The following FGFR1 variants were observed in gnomAD, a reference collection of about 807,000 sequenced individuals.
The protein encoded by FGFR1 is FGFR1/PLAG1 fusion.
In FGFR1, 18 loss-of-function variants were observed where a neutral mutation model predicts 93.7. The observed-to-expected ratio is 0.19, with a 90% CI of 0.13 to 0.28. FGFR1 has a LOEUF of 0.28. Ranked by LOEUF, FGFR1 falls within the 10% of genes least tolerant of loss-of-function variation. The pLI, the probability that FGFR1 is intolerant of heterozygous loss-of-function variation, is 1.00. For synonymous variants in FGFR1, 448 were observed against 429.3 expected (o/e 1.04, Z -0.54); for missense variants, 731 against 1,080.4 (o/e 0.68, Z 4.53).
At chr8:38,458,489 C>T (rs184975547) in intron 1 of FGFR1, among the ~76,000 whole-genome samples, 7 of 151,966 alleles carry the variant, frequency 4.6e-5, no homozygotes, top group South Asian at 4.2e-4. Flanking sequence ...TGCAGTGAGC[C>T]GAGATCGCAG....
rs1451888056 is a variant in FGFR1 at position 38,439,236 on chromosome 8, T to A, written c.92-9288A>T. On this transcript the variant is annotated intron_variant, in intron 2 of 17. Coordinates refer to ENST00000447712, the MANE Select transcript of FGFR1 (RefSeq NM_023110.3). ...CCCCTCCACTGTGTCCAGGTACTCT[T>A]CCAGGGTTCAGTCCAGCCAGCACTG... Among the ~76,000 whole-genome samples the A allele has an allele frequency of 2.0e-5, 3 of 152,224 alleles. No individual in the cohort carries two copies. In the East Asian group the frequency reaches 5.8e-4, roughly 29 times the overall value.
At chr8:38,449,604 T>G (rs1830424822) in intron 2 of FGFR1, among the ~76,000 whole-genome samples, 1 of 152,192 alleles carries the variant, frequency 6.6e-6, no homozygotes, top group African/African-American at 2.4e-5. Context: ...CTCACCCACT[T>G]CAGGCTCCCT....
At chr8:38,427,300 G>A (rs1323578064) in intron 5 of FGFR1, among the ~76,000 whole-genome samples, 1 of 151,994 alleles carries the variant, frequency 6.6e-6, no homozygotes, top group African/African-American at 2.4e-5. Context: ...GTTTTTTGGA[G>A]ACAGAGTCTC....
At chr8:38,419,506 G>C (rs2150703106) in intron 9 of FGFR1, 27 bp downstream of exon 9, 1 of 1,597,410 alleles carries the variant, frequency 6.3e-7, no homozygotes, top group Admixed American at 1.7e-5. Context: ...AGGTGGTGCT[G>C]AGTGTGCAAA....
In FGFR1 at chr8:38,424,365, C is replaced by A; in HGVS notation, c.936+144G>T. On this transcript the variant is annotated intron_variant, in intron 7 of 17. Transcript: ENST00000447712. This position sits in a 1 kb window ranked among gnomAD's most constrained non-coding sequence, Gnocchi z 4.3. The stretch of plus-strand genomic sequence containing the variant: ...TAGTCCTGGGGGATGTGGCTAGATC[C>A]CTACTGAGATGGAGTGTGTGTGCCT... 1.1e-6 allele frequency: 1 copy of A among 876,352 alleles called. No individual in the cohort carries two copies. The allele number at this position is 876,352 out of a possible 1,614,324, so 54.3% of individuals were successfully genotyped here.
chr8:38,434,521 C>G (rs1409101933), intron 2 of FGFR1: 1 of 344,124 alleles, frequency 2.9e-6, no homozygotes, highest in African/African-American at 2.1e-5. Context: ...TCCCATGTCT[C>G]TGAACCTTCA....
At chr8:38,416,911 C>T (rs928465869) in intron 12 of FGFR1, among the ~76,000 whole-genome samples, 1 of 152,070 alleles carries the variant, frequency 6.6e-6, no homozygotes, top group East Asian at 1.9e-4. Context: ...CGTGACCATG[C>T]CTGGCTAACT....
At chr8:38,419,814 A>T in intron 8 of FGFR1, 79 bp from the exon 9 acceptor site, 1 of 1,245,576 alleles carries the variant, frequency 8.0e-7, no homozygotes, top group Non-Finnish European at 1.2e-6. Flanking sequence ...GAAAAGCAAC[A>T]CCTGTCTCCT....
In FGFR1 at chr8:38,419,745, T is replaced by C; in HGVS notation, c.1082-10A>G. ...GGCCTCTCTTCCAGGGCTGAGTCAG[T>C]GCGAACAGGGTGTTAGCAGGCTTGG... is the stretch of plus-strand genomic sequence containing the variant. On this transcript the variant is annotated splice_polypyrimidine_tract_variant and intron_variant, in intron 8 of 17. Coordinates refer to ENST00000447712, the MANE Select transcript of FGFR1 (RefSeq NM_023110.3). 1 of 1,613,714 alleles carries C rather than the reference T, an allele frequency of 6.2e-7. No homozygotes were observed. Among genetic ancestry groups the C allele is most frequent in the Non-Finnish European group, 8.5e-7 (1 of 1,179,778 alleles).
chr8:38,424,200 G>T lies in FGFR1; in HGVS notation c.936+309C>A. 1 of 516,204 alleles carries T rather than the reference G, an allele frequency of 1.9e-6. No individual in the cohort carries two copies. The highest frequency in any genetic ancestry group is 3.7e-6 in the Non-Finnish European group (1 of 271,086). The allele number at this position is 516,204 out of a possible 1,614,324, so 32.0% of individuals were successfully genotyped here. ...AGGCTCTGGTTTCGGGCAATGAAAA[G>T]GCAGGGGTCCAAATGCCTTCCTTGT... On this transcript the variant is annotated intron_variant, in intron 7 of 17. Coordinates refer to ENST00000447712, the MANE Select transcript of FGFR1 (RefSeq NM_023110.3). The surrounding 1 kb of genome is among the most constrained non-coding windows in gnomAD (Gnocchi z 4.3).
rs879188928 is a variant in FGFR1 at position 38,429,597 on chromosome 8, G to A, written c.358+85C>T. On this transcript the variant is annotated intron_variant, in intron 3 of 17. Transcript: ENST00000447712. The surrounding 1 kb of genome is among the most constrained non-coding windows in gnomAD (Gnocchi z 4.4). ...AGTGGGGGCAGATCACGGAGGGGGA[G>A]GAGGTTCACCTTCCTCTGAAACTGG... The A allele has an allele frequency of 7.1e-7, 1 of 1,409,834 alleles. No individual in the cohort carries two copies. The highest frequency in any genetic ancestry group is 1.3e-5 in the South Asian group (1 of 77,420). 87.3% of individuals were successfully genotyped at this position (1,409,834 alleles called of 1,614,324 possible). A position where few individuals can be genotyped will look rare whatever the true frequency, so the allele number is the denominator to read the frequency against.
At chr8:38,419,230 C>T (rs117095631) in intron 9 of FGFR1, among the ~76,000 whole-genome samples, 457 of 152,336 alleles carry the variant, frequency 3.0e-3, no homozygotes, top group Non-Finnish European at 5.1e-3. Flanking sequence ...TTCTAAGCAG[C>T]CCTTGGGGAC....
Position 38,419,688 on chromosome 8 carries a change from T to G in FGFR1, c.1129A>C (p.Ile377Leu). 1 of 1,614,036 alleles carries G rather than the reference T, an allele frequency of 6.2e-7. No individual in the cohort carries two copies. The highest frequency in any genetic ancestry group is 8.5e-7 in the Non-Finnish European group (1 of 1,179,986). The change falls in exon 9 of 18, where the codon ATC becomes CTC. Residue 377 changes from isoleucine to leucine, a missense_variant. Transcript: ENST00000447712. ...AVMTSPLYLE[I>L]IIYCTGAFLI... ...AAGGCCCCTGTGCAATAGATGATGA[T>G]CTCCAGGTACAGGGGCGAGGTCATC... is the stretch of plus-strand genomic sequence containing the variant.
rs1396836944 is a variant in FGFR1 at position 38,413,098 on chromosome 8, C to A, written c.*530G>T. ...CATCCTCTGGTACCAGGCATTTGGT[C>A]AGCAAAGCAAACTAGTATCGGAATT... is the stretch of plus-strand genomic sequence containing the variant. On this transcript the variant is annotated 3_prime_UTR_variant, in exon 18 of 18. Coordinates refer to ENST00000447712, the MANE Select transcript of FGFR1 (RefSeq NM_023110.3). The surrounding 1 kb of genome is among the most constrained non-coding windows in gnomAD (Gnocchi z 4.2). The A allele has an allele frequency of 8.3e-6, 2 of 239,718 alleles. No homozygotes were observed. The highest frequency in any genetic ancestry group is 1.6e-5 in the Non-Finnish European group (2 of 121,850). The allele number at this position is 239,718 out of a possible 1,614,324, so 14.8% of individuals were successfully genotyped here.
At chr8:38,419,778 C>T (rs370166184) in intron 8 of FGFR1, 43 bp from the exon 9 acceptor site, 124 of 1,568,934 alleles carry the variant, frequency 7.9e-5, no homozygotes, top group Non-Finnish European at 1.1e-4. Flanking sequence ...TGGAGGGCCC[C>T]GTCCATGCGA....
chr8:38,440,209 T>C, intron 2 of FGFR1: 1 of 1,123,068 alleles, frequency 8.9e-7, no homozygotes. Flanking sequence ...GAAAGCAACT[T>C]AAAAGGAGCA....
At chr8:38,462,311 C>G (rs1483992335) in intron 1 of FGFR1, among the ~76,000 whole-genome samples, 1 of 152,076 alleles carries the variant, frequency 6.6e-6, no homozygotes, top group East Asian at 1.9e-4. Flanking sequence ...CGACACCATC[C>G]TGGCCAACAT....
At chr8:38,436,495 G>A (rs1010462181) in intron 2 of FGFR1, among the ~76,000 whole-genome samples, 2 of 152,132 alleles carry the variant, frequency 1.3e-5, no homozygotes, top group Admixed American at 6.5e-5. Flanking sequence ...CTTGAACATC[G>A]TTCGAGAACT....
rs2150525040 is a variant in FGFR1, at chr8:38,414,041, G to C, written c.2187-18C>G. The C allele has an allele frequency of 6.2e-7, 1 of 1,613,808 alleles. No individual in the cohort carries two copies. Among genetic ancestry groups the C allele is most frequent in the South Asian group, 1.1e-5 (1 of 91,054 alleles). On this transcript the variant is annotated intron_variant, in intron 16 of 17. Coordinates refer to ENST00000447712, the MANE Select transcript of FGFR1 (RefSeq NM_023110.3). ...TCATGTACCTGCGGCAGGACTGTAA[G>C]GTCAGGGACGTCTCCTGGAGATGGA... is the stretch of plus-strand genomic sequence containing the variant.
Sources: gnomAD v4.1 joint callset for allele counts (sites outside exome capture counted in the v4.1 genomes callset) on GRCh38, gnomAD v4.1.1 for gene constraint, Gnocchi (gnomAD v3.1) non-coding constraint, MANE v1.5 for transcripts, NCBI Gene and HGNC (gene_info 2026-07-23, HGNC 2026-07-21) for gene names.